Variants in MCTP1 observed in about 807,000 individuals in gnomAD.
MCTP1 encodes the protein multiple C2 and transmembrane domain-containing protein 1.
Under a neutral mutation model 120.6 loss-of-function variants are expected in MCTP1, and 69 were observed. The ratio of observed to expected loss-of-function variants is 0.57; its 90% CI spans 0.47 to 0.70. The LOEUF (loss-of-function observed/expected upper bound fraction) is 0.70. MCTP1 is among the 30% of genes least tolerant of loss of function. The pLI is 0.00. For synonymous variants in MCTP1, 529 were observed against 493.1 expected (o/e 1.07, Z -0.96); for missense variants, 1,203 against 1,248.8 (o/e 0.96, Z 0.55).
chr5:95,135,738 C>T lies in MCTP1; in HGVS notation c.721-118254G>A, dbSNP rs1306239274. 2.0e-5 allele frequency among the ~76,000 whole-genome samples: 3 copies of T among 152,312 alleles called. No homozygotes were observed. In the East Asian group the frequency reaches 5.8e-4, roughly 29 times the overall value. ...AGCTTGCAGACAACCTATTGTGGGA[C>T]ATTGTGTTTGTGTAAGTTAATACTT... On this transcript the variant is annotated intron_variant, in intron 1 of 22. Transcript: ENST00000515393.
intron 1 of MCTP1, among the ~76,000 whole-genome samples, chr5:95,257,475 GC>G (rs374267131): frequency 7.2e-4 from 109 of 152,040 alleles, no homozygotes; most frequent in African/African-American, 2.6e-3. Flanking sequence ...ATAAATGAAT[GC>G]CTACATTGTT....
At chr5:94,982,661 G>T (rs945389559) in intron 2 of MCTP1, among the ~76,000 whole-genome samples, 2 of 151,792 alleles carry the variant, frequency 1.3e-5, no homozygotes, top group African/African-American at 4.8e-5. Flanking sequence ...GGCCAAGATG[G>T]GCAGATCACC....
intron 12 of MCTP1, among the ~76,000 whole-genome samples, chr5:94,888,126 A>G (rs533723454): frequency 6.6e-6 from 1 of 152,220 alleles, no homozygotes; most frequent in African/African-American, 2.4e-5. Flanking sequence ...TAATTTAAGG[A>G]ACAGTATAAG....
intron 1 of MCTP1, among the ~76,000 whole-genome samples, chr5:95,078,031 T>TATCCAGCC (rs1554202190): frequency 3.6e-5 from 5 of 139,460 alleles, no homozygotes; most frequent in African/African-American, 1.3e-4. Flanking sequence ...ATCATCCATC[T>TATCCAGCC]ATCCATCCAT....
chr5:94,888,991 A>G lies in MCTP1; in HGVS notation c.1840-19T>C. 6.4e-7 allele frequency: 1 copy of G among 1,553,000 alleles called. No individual in the cohort carries two copies. The highest frequency in any genetic ancestry group is 8.9e-7 in the Non-Finnish European group (1 of 1,124,516). ...ATGGGCTCTGAAAGACCCCAACATC[A>G]GTATTAGAAAAGGGAGGTCCCAAGG... On this transcript the variant is annotated intron_variant, in intron 11 of 22. Coordinates refer to ENST00000515393, the MANE Select transcript of MCTP1 (RefSeq NM_024717.7).
chr5:95,049,435 T>C (rs1430016841), intron 1 of MCTP1, among the ~76,000 whole-genome samples: 4 of 152,016 alleles, frequency 2.6e-5, no homozygotes, highest in South Asian at 4.1e-4. Context: ...GACTAAAACA[T>C]TATGCTAAAA....
chr5:95,264,339 T>C (rs570143124), intron 1 of MCTP1, among the ~76,000 whole-genome samples: 12 of 152,202 alleles, frequency 7.9e-5, no homozygotes, highest in African/African-American at 1.7e-4. Context: ...CTAAAATCCA[T>C]TCAGGAAGAA....
intron 1 of MCTP1, among the ~76,000 whole-genome samples, chr5:95,230,868 C>A (rs115968894): frequency 6.6e-6 from 1 of 151,992 alleles, no homozygotes; most frequent in African/African-American, 2.4e-5. Flanking sequence ...ATACTTAGTT[C>A]GTTCATAATT....
intron 9 of MCTP1, among the ~76,000 whole-genome samples, chr5:94,911,241 C>T (rs1000238191): frequency 6.6e-5 from 10 of 152,088 alleles, no homozygotes; most frequent in Non-Finnish European, 5.9e-5. Context: ...TAATACAAGA[C>T]GGATATGATC....
chr5:95,206,304 GA>G (rs1212761394), intron 1 of MCTP1, among the ~76,000 whole-genome samples: 1 of 152,182 alleles, frequency 6.6e-6, no homozygotes, highest in Non-Finnish European at 1.5e-5. Context: ...TAAATGCTCA[GA>G]AAAACAATAG....
intron 19 of MCTP1, among the ~76,000 whole-genome samples, chr5:94,757,259 A>C (rs577964007): frequency 2.9e-4 from 44 of 152,330 alleles, no homozygotes; most frequent in Middle Eastern, 6.8e-3. Flanking sequence ...GGGTGGCAGG[A>C]GGCAGATTTC....
At chr5:95,245,983 C>T (rs1035801500) in intron 1 of MCTP1, among the ~76,000 whole-genome samples, 6 of 151,376 alleles carry the variant, frequency 4.0e-5, no homozygotes, top group Non-Finnish European at 7.4e-5. Flanking sequence ...GCGGATCTCT[C>T]GGCAGAAACC....
At chr5:95,115,967 G>A (rs1360472464) in intron 1 of MCTP1, among the ~76,000 whole-genome samples, 1 of 151,904 alleles carries the variant, frequency 6.6e-6, no homozygotes, top group Non-Finnish European at 1.5e-5. Context: ...CCAGAAGATA[G>A]TGGCATGACA....
At chr5:95,012,852 G>C (rs1443262111) in intron 2 of MCTP1, among the ~76,000 whole-genome samples, 1 of 151,996 alleles carries the variant, frequency 6.6e-6, no homozygotes, top group Non-Finnish European at 1.5e-5. Flanking sequence ...ACCCTACAAT[G>C]GACTCTAAGT....
chr5:94,777,767 A>G (rs1775693284), intron 19 of MCTP1, among the ~76,000 whole-genome samples: 1 of 152,218 alleles, frequency 6.6e-6, no homozygotes, highest in South Asian at 2.1e-4. Flanking sequence ...GTTATTTAAC[A>G]TTAAAAACAA....
At chr5:94,716,635 T>C (rs977706370) in intron 19 of MCTP1, among the ~76,000 whole-genome samples, 1 of 152,140 alleles carries the variant, frequency 6.6e-6, no homozygotes, top group Non-Finnish European at 1.5e-5. Context: ...GGTTGTACAA[T>C]GAAAGTCCAT....
chr5:94,991,629 T>G (rs1831559705), intron 2 of MCTP1, among the ~76,000 whole-genome samples: 1 of 152,028 alleles, frequency 6.6e-6, no homozygotes, highest in South Asian at 2.1e-4. Flanking sequence ...ATCCCAGCAC[T>G]TTGGGAGGCT....
At chr5:94,883,550 A>G in intron 12 of MCTP1, among the ~76,000 whole-genome samples, 1 of 152,218 alleles carries the variant, frequency 6.6e-6, no homozygotes, top group South Asian at 2.1e-4. Context: ...CTGATAATAT[A>G]CCAAGATGAA....
At chr5:94,877,590 T>A (rs1799180957) in intron 12 of MCTP1, 1 of 152,122 alleles carries the variant, frequency 6.6e-6, no homozygotes, top group Non-Finnish European at 1.5e-5. Flanking sequence ...TTTCTGGCAA[T>A]CTTCAAAACG....
Sources: gnomAD v4.1 joint callset for allele counts (sites outside exome capture counted in the v4.1 genomes callset) on GRCh38, gnomAD v4.1.1 for gene constraint, MANE v1.5 for transcripts, NCBI Gene and HGNC (gene_info 2026-07-23, HGNC 2026-07-21) for gene names.